Variants in CSGALNACT1 observed in about 807,000 individuals in gnomAD.
CSGALNACT1 encodes chondroitin sulfate N-acetylgalactosaminyltransferase 1.
Under a neutral mutation model 51.0 loss-of-function variants are expected in CSGALNACT1, and 52 were observed. The observed-to-expected ratio is 1.02, with a 90% confidence interval of 0.82 to 1.29. The LOEUF (loss-of-function observed/expected upper bound fraction) is 1.29. Among genes scored for constraint, CSGALNACT1 ranks in the 50% most tolerant of loss-of-function variants. The pLI is 0.00. For synonymous variants in CSGALNACT1, 341 were observed against 254.4 expected (o/e 1.34, Z -3.24); for missense variants, 935 against 679.2 (o/e 1.38, Z -4.19).
intron 3 of CSGALNACT1, among the ~76,000 whole-genome samples, chr8:19,530,620 A>T (rs1352161203): frequency 6.6e-6 from 1 of 152,172 alleles, no homozygotes; most frequent in Non-Finnish European, 1.5e-5. Context: ...AGTCCCAGTT[A>T]TTCAAGTGGC....
intron 6 of CSGALNACT1, among the ~76,000 whole-genome samples, chr8:19,431,639 C>T (rs1432565088): frequency 6.6e-6 from 1 of 151,708 alleles, no homozygotes; most frequent in Non-Finnish European, 1.5e-5. Context: ...CTTGTTCTGT[C>T]TTTGTCTGGT....
chr8:19,605,930 A>G (rs2051307177), upstream of CSGALNACT1, among the ~76,000 whole-genome samples: 1 of 152,214 alleles, frequency 6.6e-6, no homozygotes, highest in African/African-American at 2.4e-5. Context: ...TGTACAACTA[A>G]TAAGTGAAAG....
intron 1 of CSGALNACT1, among the ~76,000 whole-genome samples, chr8:19,756,233 A>G (rs1233626279): frequency 1.3e-5 from 2 of 152,200 alleles, no homozygotes; most frequent in Non-Finnish European, 2.9e-5. Context: ...GTTTAAAAAA[A>G]AAAACCGTGA....
At chr8:19,541,553 AT>A (rs1159626193) in intron 3 of CSGALNACT1, among the ~76,000 whole-genome samples, 8,689 of 69,814 alleles carry the variant, frequency 0.12, 693 homozygotes, top group East Asian at 0.35. Context: ...TGCTCAGCCA[AT>A]TTTTTTTTTT....
intron 1 of CSGALNACT1, among the ~76,000 whole-genome samples, chr8:19,643,888 G>T (rs1264136731): frequency 6.6e-6 from 1 of 152,180 alleles, no homozygotes; most frequent in Admixed American, 6.5e-5. Flanking sequence ...AATTTGGCAA[G>T]TATGAAGTAT....
chr8:19,448,112 G>T (rs1477173229), intron 5 of CSGALNACT1, among the ~76,000 whole-genome samples: 2 of 152,204 alleles, frequency 1.3e-5, no homozygotes, highest in Non-Finnish European at 2.9e-5. Flanking sequence ...AGTTATCACT[G>T]AGGATACCTA....
At chr8:19,689,535 T>C (rs2154214233) in intron 1 of CSGALNACT1, among the ~76,000 whole-genome samples, 1 of 152,310 alleles carries the variant, frequency 6.6e-6, no homozygotes, top group South Asian at 2.1e-4. Context: ...TACACAGCAA[T>C]AAATAACTGA....
chr8:19,677,892 A>G (rs189909523), intron 1 of CSGALNACT1, among the ~76,000 whole-genome samples: 1 of 152,296 alleles, frequency 6.6e-6, no homozygotes, highest in African/African-American at 2.4e-5. Flanking sequence ...CTGAAAAACA[A>G]TTAGAAGACT....
rs78861721 is a variant in CSGALNACT1, at chr8:19,518,830, C to T, written c.-296-12700G>A. On this transcript the variant is annotated intron_variant, in intron 3 of 9. Coordinates refer to ENST00000454498, the Ensembl canonical transcript of CSGALNACT1. The stretch of plus-strand genomic sequence containing the variant: ...GAGTGTAGACATCAGCCACAAGGCA[C>T]GATCAGAGGTGTGAATCACCACACT... Among the ~76,000 whole-genome samples the T allele has an allele frequency of 5.2e-3, 795 of 152,214 alleles. 7 individuals carry two copies. The highest frequency in any genetic ancestry group is 0.018 in the African/African-American group (758 of 41,532).
chr8:19,618,039 C>A (rs747848788), intron 1 of CSGALNACT1, among the ~76,000 whole-genome samples: 2 of 151,606 alleles, frequency 1.3e-5, no homozygotes, highest in South Asian at 4.1e-4. Context: ...CCACCACTTC[C>A]GGCTGATTTT....
chr8:19,624,705 G>C (rs919636089), intron 1 of CSGALNACT1, among the ~76,000 whole-genome samples: 3 of 150,712 alleles, frequency 2.0e-5, no homozygotes, highest in Non-Finnish European at 4.4e-5. Flanking sequence ...TTGAGACAGA[G>C]TCTCGCTCTG....
intron 3 of CSGALNACT1, among the ~76,000 whole-genome samples, chr8:19,551,776 A>G (rs1420346454): frequency 6.6e-6 from 1 of 152,090 alleles, no homozygotes; most frequent in African/African-American, 2.4e-5. Flanking sequence ...ATTCTCACCC[A>G]CTAAGCCTCA....
At chr8:19,551,559 C>A (rs1233507021) in intron 3 of CSGALNACT1, among the ~76,000 whole-genome samples, 4 of 152,188 alleles carry the variant, frequency 2.6e-5, no homozygotes, top group Admixed American at 6.5e-5. Flanking sequence ...CATGCTTCAG[C>A]GTTCGGCTTC....
intron 3 of CSGALNACT1, among the ~76,000 whole-genome samples, chr8:19,545,121 A>C (rs1378832210): frequency 6.6e-6 from 1 of 152,142 alleles, no homozygotes; most frequent in African/African-American, 2.4e-5. Flanking sequence ...TGGAAGCTAG[A>C]AAATATATTT....
At chr8:19,420,539 C>T in intron 6 of CSGALNACT1, 21 bp from the exon 6 acceptor site, 1 of 1,611,932 alleles carries the variant, frequency 6.2e-7, no homozygotes, top group South Asian at 1.1e-5. Flanking sequence ...AGACCAGGTA[C>T]TGTCACTCAC....
chr8:19,544,075 CT>C (rs778207201), intron 3 of CSGALNACT1, among the ~76,000 whole-genome samples: 2,675 of 141,478 alleles, frequency 0.019, 31 homozygotes, highest in African/African-American at 0.025. Context: ...GGGGACATAA[CT>C]TTTTTTTTTT....
rs150541306 is a variant in CSGALNACT1 at position 19,418,677 on chromosome 8, G to A, written c.1206C>T (p.Val402=). ...TCACCAGCTGCTGTTCCAAGGGAGG[G>A]ACTGCATCATGGTGGCCGTATATTA... The change falls in exon 8 of 10, where the codon GTC becomes GTT. Residue 402 remains valine, a synonymous_variant. Transcript: ENST00000454498. 7.4e-6 allele frequency: 12 copies of A among 1,611,910 alleles called. No individual in the cohort carries two copies. In the East Asian group the frequency reaches 2.5e-4, roughly 33 times the overall value.
intron 3 of CSGALNACT1, among the ~76,000 whole-genome samples, chr8:19,586,868 G>T (rs76342287): frequency 6.6e-6 from 1 of 152,124 alleles, no homozygotes; most frequent in East Asian, 1.9e-4. Flanking sequence ...CTACCAGAGA[G>T]GAATCCATTA....
intron 3 of CSGALNACT1, among the ~76,000 whole-genome samples, chr8:19,539,091 C>T (rs867708134): frequency 2.0e-5 from 3 of 152,098 alleles, no homozygotes; most frequent in African/African-American, 7.2e-5. Flanking sequence ...ATATATTTAA[C>T]ATGTACAGCT....
Sources: gnomAD v4.1 joint callset for allele counts (sites outside exome capture counted in the v4.1 genomes callset) on GRCh38, gnomAD v4.1.1 for gene constraint, MANE v1.5 for transcripts, NCBI Gene and HGNC (gene_info 2026-07-23, HGNC 2026-07-21) for gene names.